Variants in EVI5 observed in about 807,000 individuals in gnomAD.
EVI5 encodes ecotropic viral integration site 5 protein homolog.
Under a neutral mutation model 112.0 loss-of-function variants are expected in EVI5, and 73 were observed. That is an observed-to-expected ratio of 0.65 (90% CI 0.54 to 0.79). EVI5 has a LOEUF of 0.79. EVI5 is among the 30% of genes least tolerant of loss of function. EVI5 has a pLI of 0.00. For missense variants in EVI5, 900 were observed against 968.8 expected (o/e 0.93, Z 0.94); for synonymous variants, 305 against 319.9 (o/e 0.95, Z 0.50).
chr1:92,664,711 C>T (rs7530780), intron 11 of EVI5, among the ~76,000 whole-genome samples: 96,326 of 152,104 alleles, frequency 0.63, 31,031 homozygotes, highest in East Asian at 0.93. Context: ...CAAAGGCAGA[C>T]ATGTAATAAA....
chr1:92,529,071 T>G, intron 19 of EVI5, among the ~76,000 whole-genome samples: 1 of 152,218 alleles, frequency 6.6e-6, no homozygotes. Context: ...GTAAGTTATG[T>G]ATTTAGATCC....
rs554718384 is a variant in EVI5 at position 92,717,049 on chromosome 1, G to A, written c.150-12305C>T. On this transcript the variant is annotated intron_variant, in intron 2 of 19. Coordinates refer to ENST00000684568, the MANE Select transcript of EVI5 (RefSeq NM_001350197.2). Reference sequence around the variant, plus strand: ...TAAAAACCTTGAAAAAAGATTAGACGAATGGCTAACTAGAATAAACAGTGT... The same window carrying A: ...TAAAAACCTTGAAAAAAGATTAGACAAATGGCTAACTAGAATAAACAGTGT... Among the ~76,000 whole-genome samples the A allele has an allele frequency of 9.9e-4, 150 of 151,886 alleles. 1 individual carries two copies. In the South Asian group the frequency reaches 0.018, roughly 18 times the overall value.
chr1:92,685,202 G>C (rs539708084), intron 9 of EVI5, among the ~76,000 whole-genome samples: 1 of 151,956 alleles, frequency 6.6e-6, no homozygotes, highest in East Asian at 1.9e-4. Context: ...CACAACAAAC[G>C]GTCTCTCAGA....
intron 13 of EVI5, among the ~76,000 whole-genome samples, chr1:92,641,811 A>G (rs1473711812): frequency 6.6e-6 from 1 of 152,152 alleles, no homozygotes; most frequent in Non-Finnish European, 1.5e-5. Context: ...CTGTTGTACT[A>G]TTTAAGTATT....
At chr1:92,645,256 C>T (rs1171461603) in intron 13 of EVI5, among the ~76,000 whole-genome samples, 1 of 152,120 alleles carries the variant, frequency 6.6e-6, no homozygotes, top group Non-Finnish European at 1.5e-5. Flanking sequence ...GTTCTCTTTA[C>T]TCTTGGTGCT....
chr1:92,681,454 T>C (rs1292256328), intron 9 of EVI5, among the ~76,000 whole-genome samples: 3 of 152,172 alleles, frequency 2.0e-5, no homozygotes, highest in African/African-American at 7.2e-5. Flanking sequence ...TTTAAAAGTA[T>C]ACCAACGTAA....
upstream of EVI5, among the ~76,000 whole-genome samples, chr1:92,787,289 C>G (rs762100880): frequency 6.6e-6 from 1 of 152,156 alleles, no homozygotes; most frequent in East Asian, 1.9e-4. Flanking sequence ...TATGTTAAAA[C>G]TGATTTTATA....
At chr1:92,689,431 T>A (rs1454768301) in intron 9 of EVI5, among the ~76,000 whole-genome samples, 1 of 151,908 alleles carries the variant, frequency 6.6e-6, no homozygotes, top group African/African-American at 2.4e-5. Context: ...GGCACAATCA[T>A]GGATCACTGC....
At chr1:92,603,441 C>T (rs902362016) in intron 18 of EVI5, among the ~76,000 whole-genome samples, 2 of 151,880 alleles carry the variant, frequency 1.3e-5, no homozygotes, top group African/African-American at 4.8e-5. Context: ...ATGGAAGCAC[C>T]CTAAATGTCC....
At chr1:92,617,269 T>G (rs1259430224) in intron 16 of EVI5, among the ~76,000 whole-genome samples, 1 of 152,142 alleles carries the variant, frequency 6.6e-6, no homozygotes, top group Admixed American at 6.5e-5. Context: ...TGGCCAGATG[T>G]GTGATTATAT....
At chr1:92,732,152 T>G (rs1676586579) in intron 2 of EVI5, 1 of 185,252 alleles carries the variant, frequency 5.4e-6, no homozygotes, top group Non-Finnish European at 1.1e-5. Flanking sequence ...GAGATGACTG[T>G]AATCAATGAG....
At chr1:92,649,087 C>T (rs1035171863) in intron 13 of EVI5, among the ~76,000 whole-genome samples, 1 of 152,146 alleles carries the variant, frequency 6.6e-6, no homozygotes, top group Non-Finnish European at 1.5e-5. Flanking sequence ...TGAAGAGGCA[C>T]CTCATCATGG....
intron 9 of EVI5, among the ~76,000 whole-genome samples, chr1:92,679,341 A>T (rs1285149068): frequency 6.6e-6 from 1 of 152,196 alleles, no homozygotes; most frequent in African/African-American, 2.4e-5. Flanking sequence ...TAGCCGACAG[A>T]ATTTATTAAA....
At chr1:92,784,473 A>G (rs1305699829) in intron 1 of EVI5, 3 of 982,444 alleles carry the variant, frequency 3.1e-6, no homozygotes, top group East Asian at 2.3e-4. Context: ...CCCAAAGGGA[A>G]CCGACTTCTG....
chr1:92,706,106 A>G (rs1352079304), intron 2 of EVI5, among the ~76,000 whole-genome samples: 1 of 152,180 alleles, frequency 6.6e-6, no homozygotes, highest in East Asian at 1.9e-4. Context: ...CATGGCAACA[A>G]TAATTAAAAT....
intron 1 of EVI5, chr1:92,784,584 A>G (rs999247050): frequency 2.4e-5 from 8 of 335,942 alleles, no homozygotes; most frequent in Non-Finnish European, 3.4e-5. Flanking sequence ...CGCCACAGTT[A>G]GACCCGCCGA....
intron 13 of EVI5, among the ~76,000 whole-genome samples, chr1:92,652,664 T>A (rs1197828785): frequency 6.6e-6 from 1 of 152,114 alleles, no homozygotes; most frequent in African/African-American, 2.4e-5. Context: ...GACAAACGGA[T>A]AAGGGAAATG....
At chr1:92,762,404 G>T (rs1682016727) in intron 1 of EVI5, among the ~76,000 whole-genome samples, 1 of 152,110 alleles carries the variant, frequency 6.6e-6, no homozygotes, top group African/African-American at 2.4e-5. Flanking sequence ...ATAACCCTGA[G>T]ATATATTTTA....
intron 19 of EVI5, among the ~76,000 whole-genome samples, chr1:92,517,031 T>C (rs1346029764): frequency 1.3e-5 from 2 of 152,236 alleles, no homozygotes; most frequent in Non-Finnish European, 1.5e-5. Flanking sequence ...TCCAAGGATT[T>C]TGAATCCTTT....
Sources: allele counts gnomAD v4.1 joint callset (sites outside exome capture counted in the v4.1 genomes callset), GRCh38; gene constraint gnomAD v4.1.1; transcripts MANE v1.5; gene names NCBI Gene and HGNC (gene_info 2026-07-23, HGNC 2026-07-21).